Variants in RBFOX1 observed in about 807,000 individuals in gnomAD.
RBFOX1 encodes RNA binding protein fox-1 homolog 1.
RBFOX1 carries 8 observed loss-of-function variants against 57.7 expected under a neutral mutation model. The ratio of observed to expected loss-of-function variants is 0.14; its 90% CI spans 0.08 to 0.25. The LOEUF is 0.25. Among genes scored for constraint, RBFOX1 ranks in the 10% least tolerant of loss-of-function variants. The pLI, the probability that RBFOX1 is intolerant of heterozygous loss-of-function variation, is 1.00. For synonymous variants in RBFOX1, 326 were observed against 222.4 expected (o/e 1.47, Z -4.15); for missense variants, 611 against 548.5 (o/e 1.11, Z -1.14).
chr16:7,366,205 T>C (rs2097443429), intron 4 of RBFOX1, among the ~76,000 whole-genome samples: 1 of 152,216 alleles, frequency 6.6e-6, no homozygotes. Flanking sequence ...TGCCACCCCA[T>C]TGGTGTCTGC....
At chr16:6,686,856 T>C (rs1486475639) in intron 3 of RBFOX1, among the ~76,000 whole-genome samples, 1 of 152,218 alleles carries the variant, frequency 6.6e-6, no homozygotes, top group African/African-American at 2.4e-5. Flanking sequence ...GCTACTGTGT[T>C]GTATTTTGAG....
intron 9 of RBFOX1, among the ~76,000 whole-genome samples, chr16:7,604,479 A>G (rs1663566872): frequency 6.6e-6 from 1 of 152,222 alleles, no homozygotes; most frequent in Admixed American, 6.5e-5. Flanking sequence ...AGATCTCCTG[A>G]TGAAGGAGAG....
intron 3 of RBFOX1, among the ~76,000 whole-genome samples, chr16:6,774,347 T>C (rs994366989): frequency 5.9e-5 from 9 of 151,916 alleles, no homozygotes; most frequent in African/African-American, 2.2e-4. Context: ...GCTGGACATT[T>C]CTAACTGGCC....
chr16:5,813,918 G>GT (rs2055526635), intron 3 of RBFOX1, among the ~76,000 whole-genome samples: 4 of 152,200 alleles, frequency 2.6e-5, no homozygotes, highest in Admixed American at 6.5e-5. Context: ...GAAATTTTAG[G>GT]ATTGGCTTAT....
intron 4 of RBFOX1, among the ~76,000 whole-genome samples, chr16:7,420,687 C>T (rs1214762048): frequency 1.3e-5 from 2 of 151,260 alleles, no homozygotes; most frequent in Admixed American, 1.3e-4. Flanking sequence ...TGATAAATAG[C>T]AGTAATTGGG....
chr16:5,888,867 A>C (rs1007118269), intron 4 of RBFOX1, among the ~76,000 whole-genome samples: 5 of 151,758 alleles, frequency 3.3e-5, no homozygotes, highest in Admixed American at 2.6e-4. Context: ...AAACAATAGC[A>C]TGTACACAGC....
intron 2 of RBFOX1, among the ~76,000 whole-genome samples, chr16:6,320,966 G>T (rs1016007954): frequency 1.3e-5 from 2 of 152,010 alleles, no homozygotes; most frequent in African/African-American, 4.8e-5. Flanking sequence ...GCTAATTTTT[G>T]TATTTTTAGT....
chr16:5,628,050 T>A (rs554219446), intron 3 of RBFOX1, among the ~76,000 whole-genome samples: 2 of 152,152 alleles, frequency 1.3e-5, no homozygotes, highest in African/African-American at 4.8e-5. Context: ...ATTTTGAATA[T>A]TAAGTAAAGT....
intron 4 of RBFOX1, among the ~76,000 whole-genome samples, chr16:7,223,415 A>T (rs2092875503): frequency 6.6e-6 from 1 of 152,244 alleles, no homozygotes; most frequent in South Asian, 2.1e-4. Flanking sequence ...GTGAAAAGAT[A>T]AACCAAATCA....
chr16:5,680,602 A>G (rs1242459903), intron 3 of RBFOX1, among the ~76,000 whole-genome samples: 1 of 152,232 alleles, frequency 6.6e-6, no homozygotes, highest in Non-Finnish European at 1.5e-5. Context: ...TTTAGCAGTC[A>G]TAAGTAGAAG....
At chr16:6,498,952 A>G (rs936207179) in intron 2 of RBFOX1, among the ~76,000 whole-genome samples, 15 of 152,210 alleles carry the variant, frequency 9.9e-5, no homozygotes, top group African/African-American at 4.8e-5. Context: ...CTTCTCCTCC[A>G]ATACACCCCA....
intron 2 of RBFOX1, among the ~76,000 whole-genome samples, chr16:5,576,665 T>C (rs2046466772): frequency 6.6e-6 from 1 of 152,224 alleles, no homozygotes. Flanking sequence ...GAATGCCATC[T>C]CATTTGTCTC....
intron 1 of RBFOX1, among the ~76,000 whole-genome samples, chr16:6,047,365 G>C (rs2095505724): frequency 2.0e-5 from 3 of 152,210 alleles, no homozygotes; most frequent in Admixed American, 2.0e-4. Flanking sequence ...GGCTTTTAGA[G>C]AGATCCTTTC....
chr16:6,561,500 T>A (rs183474296), intron 2 of RBFOX1, among the ~76,000 whole-genome samples: 1 of 152,322 alleles, frequency 6.6e-6, no homozygotes, highest in East Asian at 1.9e-4. Context: ...GGCTGACTTA[T>A]GGATATGGGT....
At chr16:5,718,554 A>G (rs1223651961) in intron 3 of RBFOX1, among the ~76,000 whole-genome samples, 1 of 152,232 alleles carries the variant, frequency 6.6e-6, no homozygotes, top group African/African-American at 2.4e-5. Context: ...CAGTTATTAA[A>G]TGCATGGGGC....
chr16:7,337,794 C>A lies in RBFOX1; in HGVS notation c.28-180353C>A, dbSNP rs183070778. On this transcript the variant is annotated intron_variant, in intron 4 of 15. Coordinates refer to ENST00000550418, the MANE Select transcript of RBFOX1 (RefSeq NM_018723.4). ...CCACCTCCCAGGTTCAAGCGATTCTCCTGCCTCAGCCTCCCAAGTAACTGG... is the reference window on the plus strand; with the variant it reads ...CCACCTCCCAGGTTCAAGCGATTCTACTGCCTCAGCCTCCCAAGTAACTGG... 2.2e-3 allele frequency among the ~76,000 whole-genome samples: 336 copies of A among 152,322 alleles called. 5 individuals carry two copies. The highest frequency in any genetic ancestry group is 0.02 in the South Asian group (96 of 4,830).
chr16:5,697,270 T>G (rs2151473693), intron 3 of RBFOX1, among the ~76,000 whole-genome samples: 1 of 152,198 alleles, frequency 6.6e-6, no homozygotes, highest in African/African-American at 2.4e-5. Flanking sequence ...GTCAAGACTG[T>G]TTTCGCTCTC....
At chr16:5,350,439 G>T (rs2065237370) in intron 1 of RBFOX1, among the ~76,000 whole-genome samples, 1 of 152,196 alleles carries the variant, frequency 6.6e-6, no homozygotes, top group Non-Finnish European at 1.5e-5. Flanking sequence ...GGTGTCCCTA[G>T]TCAGAGTGAT....
At chr16:6,506,517 G>A (rs2096094790) in intron 2 of RBFOX1, among the ~76,000 whole-genome samples, 1 of 151,972 alleles carries the variant, frequency 6.6e-6, no homozygotes, top group Non-Finnish European at 1.5e-5. Flanking sequence ...AGGGTTAAGT[G>A]GGGACCATTT....
Sources: allele counts gnomAD v4.1 joint callset (sites outside exome capture counted in the v4.1 genomes callset), GRCh38; gene constraint gnomAD v4.1.1; transcripts MANE v1.5; gene names NCBI Gene and HGNC (gene_info 2026-07-23, HGNC 2026-07-21).